Variants in ARMH4 observed in about 807,000 individuals in gnomAD.
ARMH4 encodes the protein armadillo like helical domain containing 4, also known as armadillo-like helical domain-containing protein 4.
A neutral mutation model predicts 61.9 loss-of-function variants in ARMH4; 49 were observed. The observed-to-expected ratio is 0.79, with a 90% CI of 0.63 to 1.00. ARMH4 has a LOEUF of 1.00. ARMH4 is among the 50% of genes least tolerant of loss of function. The probability of loss-of-function intolerance (pLI) is 0.00; values close to 1 mark genes in which losing one functional copy is unlikely to be tolerated. For missense variants in ARMH4, 934 were observed against 930.0 expected, an observed-to-expected ratio of 1.00 and a Z score of -0.06; for synonymous variants, 368 against 341.5, an observed-to-expected ratio of 1.08 and a Z score of -0.85.
intron 5 of ARMH4, among the ~76,000 whole-genome samples, chr14:58,015,080 C>T (rs1882559298): frequency 6.6e-6 from 1 of 152,176 alleles, no homozygotes; most frequent in Admixed American, 6.5e-5. Flanking sequence ...GGAAGCTCAT[C>T]GCCAAGAGAA....
chr14:58,145,671 T>C (rs1483546093), intron 1 of ARMH4, among the ~76,000 whole-genome samples: 3 of 152,266 alleles, frequency 2.0e-5, no homozygotes, highest in Admixed American at 1.3e-4. Flanking sequence ...CCTTCTGTGA[T>C]TGTCAGCCAC....
intron 5 of ARMH4, among the ~76,000 whole-genome samples, chr14:58,092,659 T>G (rs1352125285): frequency 6.6e-6 from 1 of 152,162 alleles, no homozygotes. Context: ...CAGCATTCCT[T>G]GGCTGATGGC....
intron 6 of ARMH4, among the ~76,000 whole-genome samples, chr14:58,008,840 C>T (rs1882281680): frequency 6.6e-6 from 1 of 152,158 alleles, no homozygotes; most frequent in African/African-American, 2.4e-5. Context: ...CTGGGCCATG[C>T]ATTTTCTGGA....
At chr14:58,009,088 C>A (rs74055596) in intron 6 of ARMH4, among the ~76,000 whole-genome samples, 8,925 of 152,154 alleles carry the variant, frequency 0.059, 331 homozygotes, top group Middle Eastern at 0.13. Flanking sequence ...AATATCCATT[C>A]TTTTCTTCTT....
intron 5 of ARMH4, among the ~76,000 whole-genome samples, chr14:58,031,712 G>A (rs1390164225): frequency 2.0e-5 from 3 of 152,140 alleles, no homozygotes; most frequent in African/African-American, 7.2e-5. Context: ...CTAACAAATT[G>A]AAATTCAGGG....
Position 58,002,792 on chromosome 14 carries a change from T to C in ARMH4, c.*1944A>G, listed in dbSNP as rs921166410. 2 of 152,226 alleles carry C rather than the reference T, an allele frequency of 1.3e-5. No individual in the cohort carries two copies. The highest frequency in any genetic ancestry group is 4.8e-5 in the African/African-American group (2 of 41,458). The allele number at this position is 152,226 out of a possible 1,614,324, so 9.4% of individuals were successfully genotyped here. ...AATTACAAATCACTTCTGAGTGTCATGATTCTGAATTCTATTTTTAAAATC... is the reference window on the plus strand; with the variant it reads ...AATTACAAATCACTTCTGAGTGTCACGATTCTGAATTCTATTTTTAAAATC... On this transcript the variant is annotated 3_prime_UTR_variant, in exon 8 of 8. Transcript: ENST00000267485.
intron 5 of ARMH4, among the ~76,000 whole-genome samples, chr14:58,057,570 CTGTGTG>C (rs58765566): frequency 1.3e-5 from 2 of 149,380 alleles, no homozygotes; most frequent in South Asian, 4.2e-4. Flanking sequence ...GTGTGTGTGT[CTGTGTG>C]TGTGTGTGTG....
chr14:58,126,198 T>A (rs1886889957), intron 4 of ARMH4, among the ~76,000 whole-genome samples: 1 of 152,188 alleles, frequency 6.6e-6, no homozygotes, highest in South Asian at 2.1e-4. Context: ...TTAAACAATG[T>A]ATTTCCCAAT....
chr14:58,106,222 A>G (rs1029166549), intron 4 of ARMH4, among the ~76,000 whole-genome samples: 5 of 152,216 alleles, frequency 3.3e-5, no homozygotes, highest in African/African-American at 1.2e-4. Context: ...TTTCCATAGC[A>G]TCCTTACCGA....
intron 5 of ARMH4, among the ~76,000 whole-genome samples, chr14:58,022,835 A>G (rs1196043025): frequency 1.3e-5 from 2 of 152,230 alleles, no homozygotes; most frequent in Non-Finnish European, 2.9e-5. Flanking sequence ...TTGTAGGTTC[A>G]GTCCCAGACC....
At chr14:58,038,568 A>ATT (rs1466936225) in intron 5 of ARMH4, among the ~76,000 whole-genome samples, 1 of 151,226 alleles carries the variant, frequency 6.6e-6, no homozygotes, top group African/African-American at 2.4e-5. Flanking sequence ...AAAATTAAAA[A>ATT]AAAAAAAAGA....
At chr14:58,033,311 A>T (rs1288640735) in intron 5 of ARMH4, among the ~76,000 whole-genome samples, 1 of 103,338 alleles carries the variant, frequency 9.7e-6, no homozygotes, top group African/African-American at 3.3e-5. Context: ...CTCACACGGC[A>T]GGGTATTCCA....
intron 5 of ARMH4, among the ~76,000 whole-genome samples, chr14:58,082,197 T>C (rs1201759706): frequency 6.6e-6 from 1 of 152,206 alleles, no homozygotes; most frequent in African/African-American, 2.4e-5. Context: ...CTCTGGGTTT[T>C]CAAATTTATT....
At chr14:58,090,802 C>T (rs530949392) in intron 5 of ARMH4, among the ~76,000 whole-genome samples, 1 of 150,802 alleles carries the variant, frequency 6.6e-6, no homozygotes, top group Non-Finnish European at 1.5e-5. Flanking sequence ...ATCGCTTGAA[C>T]CCGAGAGGTG....
chr14:58,082,985 C>T (rs1055169204), intron 5 of ARMH4, among the ~76,000 whole-genome samples: 7 of 152,158 alleles, frequency 4.6e-5, no homozygotes, highest in South Asian at 4.1e-4. Flanking sequence ...GTAGCCTTCC[C>T]TAAGTTCTCT....
chr14:58,057,677 G>A (rs1197670029), intron 5 of ARMH4, among the ~76,000 whole-genome samples: 2 of 152,116 alleles, frequency 1.3e-5, no homozygotes, highest in Non-Finnish European at 2.9e-5. Flanking sequence ...CAAAAGACCA[G>A]GGATTCTCAC....
rs138638785 is a variant in ARMH4, at chr14:58,004,786, T to A, written c.2275A>T (p.Met759Leu). 1 of 1,611,606 alleles carries A rather than the reference T, an allele frequency of 6.2e-7. No individual in the cohort carries two copies. Among genetic ancestry groups the A allele is most frequent in the Non-Finnish European group, 8.5e-7 (1 of 1,178,006 alleles). ...HKRKQREFNSMQDRVMLLADS... is the reference protein window; with the variant it reads ...HKRKQREFNSLQDRVMLLADS... Reference sequence around the variant, plus strand: ...GCTAAGAGCATTACTCGATCTTGCATGCTGTTGAATTCTCTCTGCTAGAGA... The same window carrying A: ...GCTAAGAGCATTACTCGATCTTGCAAGCTGTTGAATTCTCTCTGCTAGAGA... The change falls in exon 8 of 8, where the codon ATG (methionine) becomes TTG (leucine). Residue 759 changes from methionine to leucine, a missense_variant. Met to Leu is a conservative substitution (Grantham distance 15, BLOSUM62 2). Transcript: ENST00000267485.
intron 4 of ARMH4, among the ~76,000 whole-genome samples, chr14:58,115,425 G>T (rs1886485762): frequency 6.6e-6 from 1 of 152,150 alleles, no homozygotes; most frequent in African/African-American, 2.4e-5. Context: ...AAACATAACA[G>T]ATGCTGGTGA....
At chr14:58,072,539 T>G (rs1457497236) in intron 5 of ARMH4, among the ~76,000 whole-genome samples, 1 of 151,988 alleles carries the variant, frequency 6.6e-6, no homozygotes, top group Non-Finnish European at 1.5e-5. Context: ...GCCAACGTCG[T>G]GAAACCCCAT....
Sources: gnomAD v4.1 joint callset for allele counts (sites outside exome capture counted in the v4.1 genomes callset) on GRCh38, gnomAD v4.1.1 for gene constraint, MANE v1.5 for transcripts, NCBI Gene and HGNC (gene_info 2026-07-23, HGNC 2026-07-21) for gene names.